MYOF: variants seen among roughly 807,000 people sequenced by gnomAD.
MYOF encodes the protein fer-1-like 3, myoferlin.
A neutral mutation model predicts 284.2 loss-of-function variants in MYOF; 244 were observed. The observed-to-expected ratio is 0.86, with a 90% CI of 0.77 to 0.95. The LOEUF (loss-of-function observed/expected upper bound fraction) is 0.95, where lower values mean the gene tolerates loss of function less well. Ranked by LOEUF, MYOF falls within the 40% of genes least tolerant of loss-of-function variation. The probability of loss-of-function intolerance (pLI) is 0.00; values close to 1 mark genes in which losing one functional copy is unlikely to be tolerated. For synonymous variants in MYOF, 904 were observed against 919.7 expected (o/e 0.98, Z 0.31); for missense variants, 2,496 against 2,560.6 (o/e 0.97, Z 0.54).
chr10:93,354,026 C>G (rs946814992), intron 31 of MYOF, 138 bp from the exon 32 acceptor site: 1 of 617,594 alleles, frequency 1.6e-6, no homozygotes, highest in Non-Finnish European at 2.7e-6. Flanking sequence ...GTAAAGAGCA[C>G]ATAGAATAGT....
intron 1 of MYOF, among the ~76,000 whole-genome samples, chr10:93,470,461 C>T (rs1035242596): frequency 1.6e-4 from 25 of 151,762 alleles, no homozygotes; most frequent in Admixed American, 3.9e-4. Flanking sequence ...AGTGCAGTGG[C>T]ACGATCTCGG....
chr10:93,383,884 G>C (rs965998227), intron 19 of MYOF, among the ~76,000 whole-genome samples: 1 of 152,174 alleles, frequency 6.6e-6, no homozygotes, highest in African/African-American at 2.4e-5. Context: ...GATACTCCCA[G>C]CTGGGCCGGC....
intron 1 of MYOF, among the ~76,000 whole-genome samples, chr10:93,465,038 C>A (rs914634961): frequency 2.0e-5 from 3 of 152,208 alleles, no homozygotes; most frequent in African/African-American, 7.2e-5. Flanking sequence ...GTGCTCTGAA[C>A]TGAGTCACTG....
intron 6 of MYOF, among the ~76,000 whole-genome samples, 188 bp downstream of exon 6, chr10:93,409,385 G>C (rs547407322): frequency 6.6e-6 from 1 of 152,200 alleles, no homozygotes; most frequent in Non-Finnish European, 1.5e-5. Context: ...CAGCTGGCTA[G>C]ACTAAACCCA....
Position 93,369,698 on chromosome 10 carries a change from C to T in MYOF, c.2536G>A (p.Glu846Lys). The T allele has an allele frequency of 1.9e-6, 3 of 1,614,194 alleles. No individual in the cohort carries two copies. The highest frequency in any genetic ancestry group is 1.7e-6 in the Non-Finnish European group (2 of 1,180,038). The change falls in exon 25 of 54, where the codon GAG becomes AAG. Residue 846 changes from glutamate to lysine, a missense_variant. Glu to Lys is a moderately conservative substitution (Grantham distance 56). Around this residue, in one of 3 missense-constraint regions of MYOF, gnomAD observed 2,436 missense variants for 2,480.7 expected, o/e 0.98. Transcript: ENST00000359263. ...TCTGCGAAGCTGTTAAACTTCTTCT[C>T]CACAGCACTTAAGCCTAGCCAGATG... ...VNIWLGLSAV[E>K]KKFNSFAEGT...
intron 3 of MYOF, among the ~76,000 whole-genome samples, chr10:93,439,515 C>A (rs1316885938): frequency 6.6e-6 from 1 of 152,176 alleles, no homozygotes; most frequent in East Asian, 1.9e-4. Flanking sequence ...CTTTCATGAA[C>A]TTGAACCTTG....
At position 93,351,499 on chromosome 10, in the gene MYOF, G is replaced by A; in HGVS notation, c.3736C>T (p.Pro1246Ser). Reference protein sequence around the residue: ...VKLNSEMDITPKLLWHPVMNG... With the variant: ...VKLNSEMDITSKLLWHPVMNG... ...ATTACTGGGTGCCAGAGAAGTTTGG[G>A]TGTGATGTCCATTTCTGAGTTCAGT... Residue 1246 changes from proline (P) to serine (S), a missense_variant, in exon 34 of 54, where the codon CCC becomes TCC. Around this residue, in one of 3 missense-constraint regions of MYOF, gnomAD observed 2,436 missense variants for 2,480.7 expected, o/e 0.98. Transcript: ENST00000359263. The A allele has an allele frequency of 6.2e-7, 1 of 1,614,206 alleles. No homozygotes were observed. Among genetic ancestry groups the A allele is most frequent in the Non-Finnish European group, 8.5e-7 (1 of 1,180,030 alleles).
At chr10:93,369,266 T>TATGTGTGC (rs59877404) in intron 25 of MYOF, among the ~76,000 whole-genome samples, 19 of 147,884 alleles carry the variant, frequency 1.3e-4, no homozygotes, top group African/African-American at 4.2e-4. Context: ...TTGGTGTGTG[T>TATGTGTGC]GTGTGTGTGT....
At chr10:93,312,956 A>G in intron 51 of MYOF, 64 bp downstream of exon 51, 5 of 1,491,320 alleles carry the variant, frequency 3.4e-6, no homozygotes, top group Non-Finnish European at 4.5e-6. Flanking sequence ...CTATGGATAA[A>G]GGGCAAAACC....
chr10:93,456,985 A>T (rs752496003), intron 1 of MYOF, 48 bp from the exon 2 acceptor site: 164 of 1,408,750 alleles, frequency 1.2e-4, no homozygotes, highest in Non-Finnish European at 1.6e-4. Flanking sequence ...TAAAAAAATT[A>T]AAGAGCGTGG....
chr10:93,315,822 G>A (rs1270767143), intron 50 of MYOF, among the ~76,000 whole-genome samples: 3 of 152,010 alleles, frequency 2.0e-5, no homozygotes, highest in Non-Finnish European at 2.9e-5. Context: ...GGGAAGGCCT[G>A]TATTCAAAAA....
In MYOF at chr10:93,333,865, G is replaced by T; in HGVS notation, c.4612C>A (p.Pro1538Thr). Residue 1538 changes from proline (P) to threonine (T), a missense_variant, in exon 42 of 54, where the codon CCT (proline) becomes ACT (threonine). Transcript: ENST00000359263. ...PLPDDPSVPA[P>T]PRQFRELPDS... ...GGTAATTCCCGAAACTGTCTGGGAGGGGCTGGCACGCTGGGGTCATCCGGC... is the reference window on the plus strand; with the variant it reads ...GGTAATTCCCGAAACTGTCTGGGAGTGGCTGGCACGCTGGGGTCATCCGGC... 6.2e-7 allele frequency: 1 copy of T among 1,614,076 alleles called. No individual in the cohort carries two copies. Among genetic ancestry groups the T allele is most frequent in the Middle Eastern group, 1.6e-4 (1 of 6,062 alleles).
Position 93,443,413 on chromosome 10 carries a change from G to A in MYOF, c.236+8637C>T, listed in dbSNP as rs1489621241. On this transcript the variant is annotated intron_variant, in intron 3 of 53. Coordinates refer to ENST00000359263, the MANE Select transcript of MYOF (RefSeq NM_013451.4). ...GGAATTCTCTGCAAGTCTCTGAAGT[G>A]CTCTCTCTGTCTCTCCTCTCTCTTC... 2.6e-5 allele frequency among the ~76,000 whole-genome samples: 4 copies of A among 151,732 alleles called. No individual in the cohort carries two copies. The East Asian group carries it at 7.8e-4, about 30-fold the overall frequency.
At chr10:93,420,750 C>G (rs377659764) in intron 5 of MYOF, among the ~76,000 whole-genome samples, 15 of 152,184 alleles carry the variant, frequency 9.9e-5, no homozygotes, top group African/African-American at 3.4e-4. Context: ...CAGAGATTTT[C>G]ACTTTCCGTG....
intron 3 of MYOF, among the ~76,000 whole-genome samples, chr10:93,432,036 C>T (rs867952920): frequency 3.3e-5 from 5 of 152,052 alleles, no homozygotes; most frequent in African/African-American, 1.2e-4. Context: ...GCGTGAGTCA[C>T]CACTCTCAGC....
intron 4 of MYOF, among the ~76,000 whole-genome samples, chr10:93,429,961 G>A (rs1334896043): frequency 6.7e-6 from 1 of 150,268 alleles, no homozygotes; most frequent in African/African-American, 2.5e-5. Flanking sequence ...TTGAGATGGA[G>A]TCTTGCTCTG....
In MYOF at chr10:93,333,888, G is replaced by A. The variant is rs748793608; in HGVS notation, c.4589C>T (p.Pro1530Leu). 7.4e-5 allele frequency: 119 copies of A among 1,614,018 alleles called. No homozygotes were observed. Among genetic ancestry groups the A allele is most frequent in the South Asian group, 4.6e-4 (42 of 91,056 alleles). Residue 1530 changes from proline (P) to leucine (L), a missense_variant, in exon 42 of 54, where the codon CCG (proline) becomes CTG (leucine). Pro to Leu is a moderately conservative substitution (Grantham distance 98, BLOSUM62 -3). This residue lies in a region of MYOF where 2,436 missense variants were observed against 2,480.7 expected (regional missense o/e 0.98). Transcript: ENST00000359263. ...AGGGGCTGGCACGCTGGGGTCATCC[G>A]GCAGAGGGTAGATCCGAAAGGAGCC... ...FKGSFRIYPL[P>L]DDPSVPAPPR...
At chr10:93,402,397 A>C in intron 10 of MYOF, 50 bp from the exon 11 acceptor site, 1 of 1,419,790 alleles carries the variant, frequency 7.0e-7, no homozygotes, top group African/African-American at 1.4e-5. Context: ...AAAGGTACTG[A>C]TAAGTCTGTG....
At chr10:93,356,250 GCTCT>G (rs1194909050) in intron 30 of MYOF, among the ~76,000 whole-genome samples, 1 of 151,972 alleles carries the variant, frequency 6.6e-6, no homozygotes, top group Non-Finnish European at 1.5e-5. Flanking sequence ...CTTCCGTATT[GCTCT>G]CTAATTTTGT....
Sources: allele counts gnomAD v4.1 joint callset (sites outside exome capture counted in the v4.1 genomes callset), GRCh38; gene constraint gnomAD v4.1.1; regional missense constraint gnomAD v4.1.1; transcripts MANE v1.5; gene names NCBI Gene and HGNC (gene_info 2026-07-23, HGNC 2026-07-21).